The following PSMD2 variants were observed in gnomAD, a reference collection of about 807,000 sequenced individuals.
PSMD2 encodes the protein proteasome 26S subunit ubiquitin receptor, non-ATPase 2.
PSMD2 carries 8 observed loss-of-function variants against 101.5 expected under a neutral mutation model. That is an observed-to-expected ratio of 0.08 (90% CI 0.05 to 0.14). PSMD2 has a LOEUF of 0.14. Among genes scored for constraint, PSMD2 ranks in the 10% least tolerant of loss-of-function variants. PSMD2 has a pLI of 1.00. For synonymous variants in PSMD2, 418 were observed against 433.8 expected, an observed-to-expected ratio of 0.96 and a Z score of 0.45; for missense variants, 784 against 1,147.4, an observed-to-expected ratio of 0.68 and a Z score of 4.58.
Position 184,299,915 on chromosome 3 carries a change from A to G in PSMD2, c.192+8A>G. 1 of 1,612,214 alleles carries G rather than the reference A, an allele frequency of 6.2e-7. No individual in the cohort carries two copies. The highest frequency in any genetic ancestry group is 8.5e-7 in the Non-Finnish European group (1 of 1,178,246). On this transcript the variant is annotated splice_region_variant and intron_variant, in intron 2 of 20. Transcript: ENST00000310118. The stretch of plus-strand genomic sequence containing the variant: ...CTCGTGGAACGACTAGGGGTGAGTC[A>G]CGATGTTAACATGATTCGGTGCATG...
chr3:184,306,659 G>A, intron 15 of PSMD2, 92 bp from the exon 16 acceptor site: 2 of 1,526,288 alleles, frequency 1.3e-6, no homozygotes, highest in East Asian at 2.3e-5. Context: ...TTCCCCACAG[G>A]ATGGCTTTTT....
intron 13 of PSMD2, 43 bp downstream of exon 13, chr3:184,305,973 G>A: frequency 6.2e-7 from 1 of 1,613,576 alleles, no homozygotes; most frequent in Non-Finnish European, 8.5e-7. Context: ...GACAGTAACT[G>A]GATACAACAG....
At position 184,303,735 on chromosome 3, in the gene PSMD2, G is replaced by A; in HGVS notation, c.1309G>A (p.Glu437Lys). Residue 437 changes from glutamate (E) to lysine (K), a missense_variant, in exon 10 of 21, where the codon GAG becomes AAG. Around this residue, in one of 6 missense-constraint regions of PSMD2, gnomAD observed 37 missense variants for 107.0 expected, o/e 0.35. Transcript: ENST00000310118. ...TQIDKYLYSS[E>K]DYIKSGALLA... The stretch of plus-strand genomic sequence containing the variant: ...GATTGACAAGTACCTGTACTCCTCT[G>A]AGGACTACATTAAGGTTGGTCTGCA... 1 of 1,614,220 alleles carries A rather than the reference G, an allele frequency of 6.2e-7. No individual in the cohort carries two copies.
intron 3 of PSMD2, 85 bp downstream of exon 3, chr3:184,300,529 G>C: frequency 6.5e-7 from 1 of 1,527,188 alleles, no homozygotes; most frequent in Admixed American, 2.1e-5. Context: ...TGAGTCACAG[G>C]AAGCCTGATA....
Position 184,304,183 on chromosome 3 carries a change from G to T in PSMD2, c.1451+109G>T. ...CCAAGGGCTACCACTGTGCCTATTGGGTATCTGGCTCTTGGTGAATGTTTG... is the reference window on the plus strand; with the variant it reads ...CCAAGGGCTACCACTGTGCCTATTGTGTATCTGGCTCTTGGTGAATGTTTG... On this transcript the variant is annotated intron_variant, in intron 11 of 20. Coordinates refer to ENST00000310118, the MANE Select transcript of PSMD2 (RefSeq NM_002808.5). This position sits in a 1 kb window ranked among gnomAD's most constrained non-coding sequence, Gnocchi z 4.1. The T allele has an allele frequency of 6.4e-7, 1 of 1,551,926 alleles. No individual in the cohort carries two copies. Among genetic ancestry groups the T allele is most frequent in the Non-Finnish European group, 8.9e-7 (1 of 1,124,456 alleles).
At position 184,304,194 on chromosome 3, in the gene PSMD2, CTTGGTGAATGTTTGTTGAA is replaced by C. The variant is rs1232582827; in HGVS notation, c.1452-109_1452-91del. ...CACTGTGCCTATTGGGTATCTGGCT[CTTGGTGAATGTTTGTTGAA>C]ATGGTGAATGAATGACCGATTCTCC... On this transcript the variant is annotated intron_variant, in intron 11 of 20. Transcript: ENST00000310118. This position sits in a 1 kb window ranked among gnomAD's most constrained non-coding sequence, Gnocchi z 4.1. 4 of 1,552,688 alleles carry C rather than the reference CTTGGTGAATGTTTGTTGAA, an allele frequency of 2.6e-6. No homozygotes were observed. The East Asian group carries it at 9.0e-5, about 35-fold the overall frequency.
Position 184,300,707 on chromosome 3 carries a change from C to T in PSMD2, c.357+263C>T, listed in dbSNP as rs932238602. ...TAACGTATGTTTAACCTTGATTTTT[C>T]TCTTTTCTTCTATCCCATATACATT... On this transcript the variant is annotated intron_variant, in intron 3 of 20. Transcript: ENST00000310118. 4 of 1,143,848 alleles carry T rather than the reference C, an allele frequency of 3.5e-6. No individual in the cohort carries two copies. The South Asian group carries it at 7.8e-5, about 22-fold the overall frequency. The allele number at this position is 1,143,848 out of a possible 1,614,324, so 70.9% of individuals were successfully genotyped here. A position where few individuals can be genotyped will look rare whatever the true frequency, so the allele number is the denominator to read the frequency against.
intron 3 of PSMD2, 52 bp from the exon 4 acceptor site, chr3:184,301,485 C>A: frequency 6.2e-7 from 1 of 1,605,358 alleles, no homozygotes. Flanking sequence ...AATGCATGCT[C>A]CCTTTATGCT....
chr3:184,302,717 A>G lies in PSMD2; in HGVS notation c.902A>G (p.His301Arg), dbSNP rs2108441887. The G allele has an allele frequency of 1.2e-6, 2 of 1,614,146 alleles. No homozygotes were observed. The highest frequency in any genetic ancestry group is 1.7e-6 in the Non-Finnish European group (2 of 1,180,032). Residue 301 changes from histidine to arginine, a missense_variant, in exon 7 of 21, where the codon CAT becomes CGT. His to Arg is a conservative substitution (Grantham distance 29). Transcript: ENST00000310118. ...CAGATGGCATTCATGCTAGGCCGGC[A>G]TGGGGTGTTCCTGGAGCTGAGTGAA... ...QKQMAFMLGR[H>R]GVFLELSEDV...
At position 184,308,070 on chromosome 3, in the gene PSMD2, C is replaced by G; in HGVS notation, c.2425+54C>G. 6.3e-7 allele frequency: 1 copy of G among 1,599,674 alleles called. No homozygotes were observed. The highest frequency in any genetic ancestry group is 8.5e-7 in the Non-Finnish European group (1 of 1,173,786). On this transcript the variant is annotated intron_variant, in intron 19 of 20. Transcript: ENST00000310118. This position sits in a 1 kb window ranked among gnomAD's most constrained non-coding sequence, Gnocchi z 6.0. Reference sequence around the variant, plus strand: ...TAGCATGCAGGGCTCTGACTCCACCCTTTCCAGGGCCACTTTGATAATTTA... The same window carrying G: ...TAGCATGCAGGGCTCTGACTCCACCGTTTCCAGGGCCACTTTGATAATTTA...
chr3:184,306,561 G>T, intron 15 of PSMD2, 66 bp downstream of exon 15: 1 of 1,566,602 alleles, frequency 6.4e-7, no homozygotes, highest in South Asian at 1.2e-5. Flanking sequence ...GGGGAGGCTG[G>T]GTTTGGTTTT....
Position 184,304,525 on chromosome 3 carries a change from GGGGCGTCACCTCA to G in PSMD2, c.1539+136_1539+148del. The G allele has an allele frequency of 1.1e-6, 1 of 882,582 alleles. No homozygotes were observed. Among genetic ancestry groups the G allele is most frequent in the Non-Finnish European group, 1.8e-6 (1 of 550,392 alleles). 54.7% of individuals were successfully genotyped at this position (882,582 alleles called of 1,614,324 possible). On this transcript the variant is annotated intron_variant, in intron 12 of 20. Transcript: ENST00000310118. This position sits in a 1 kb window ranked among gnomAD's most constrained non-coding sequence, Gnocchi z 4.1. ...GTACATGCCTGTTGGTGTGTATTGA[GGGGCGTCACCTCA>G]GTGAAACCCCTTGATCTGGGATTCT... is the stretch of plus-strand genomic sequence containing the variant.
At position 184,308,420 on chromosome 3, in the gene PSMD2, T is replaced by C; in HGVS notation, c.2426-29T>C. On this transcript the variant is annotated intron_variant, in intron 19 of 20. Transcript: ENST00000310118. This position sits in a 1 kb window ranked among gnomAD's most constrained non-coding sequence, Gnocchi z 6.0. ...TGGCCAGGCCTGTCTTTTTGTCTCT[T>C]AACTTTTTGTCCTGTCTGCTTCCCT... 1 of 1,559,942 alleles carries C rather than the reference T, an allele frequency of 6.4e-7. No individual in the cohort carries two copies. The highest frequency in any genetic ancestry group is 8.8e-7 in the Non-Finnish European group (1 of 1,140,760).
Position 184,307,224 on chromosome 3 carries a change from T to C in PSMD2, c.2035-133T>C, listed in dbSNP as rs1721862569. 6.1e-6 allele frequency: 6 copies of C among 983,108 alleles called. No homozygotes were observed. In the South Asian group the frequency reaches 9.6e-5, roughly 16 times the overall value. 60.9% of individuals were successfully genotyped at this position (983,108 alleles called of 1,614,324 possible). ...TCCCAAAGTGCTGGGATTACAGGCA[T>C]GAGCCACCATGCCCAGCCTGCTGTG... On this transcript the variant is annotated intron_variant, in intron 16 of 20. Transcript: ENST00000310118.
At chr3:184,307,765 G>A (rs746890772) in intron 18 of PSMD2, 57 bp downstream of exon 18, 15 of 1,603,516 alleles carry the variant, frequency 9.4e-6, no homozygotes, top group African/African-American at 5.4e-5. Context: ...GGTGATGGAA[G>A]GAGGAACATG....
Position 184,308,045 on chromosome 3 carries a change from T to C in PSMD2, c.2425+29T>C, listed in dbSNP as rs1423279994. The C allele has an allele frequency of 1.2e-6, 2 of 1,612,510 alleles. No individual in the cohort carries two copies. The highest frequency in any genetic ancestry group is 2.2e-5 in the South Asian group (2 of 91,052). On this transcript the variant is annotated intron_variant, in intron 19 of 20. Transcript: ENST00000310118. This position sits in a 1 kb window ranked among gnomAD's most constrained non-coding sequence, Gnocchi z 6.0. ...AGTTCCTGTCAGAAATTTTATATCA[T>C]AGCATGCAGGGCTCTGACTCCACCC...
At chr3:184,300,568 G>A in intron 3 of PSMD2, 124 bp downstream of exon 3, 3 of 1,449,202 alleles carry the variant, frequency 2.1e-6, no homozygotes, top group Non-Finnish European at 2.7e-6. Context: ...TTTGAGCAGA[G>A]TTCATCACAG....
chr3:184,305,693 G>T, intron 12 of PSMD2, 75 bp from the exon 13 acceptor site: 2 of 1,369,010 alleles, frequency 1.5e-6, no homozygotes, highest in Non-Finnish European at 2.0e-6. Flanking sequence ...TGGACTGTAG[G>T]AATAGGCTAT....
intron 12 of PSMD2, among the ~76,000 whole-genome samples, chr3:184,305,489 A>G (rs1208093558): frequency 1.6e-5 from 1 of 64,282 alleles, no homozygotes; most frequent in African/African-American, 3.5e-5. Flanking sequence ...CTCTGTCTCA[A>G]AAAAAAAAAA....
Sources: allele counts gnomAD v4.1 joint callset (sites outside exome capture counted in the v4.1 genomes callset), GRCh38; gene constraint gnomAD v4.1.1; regional missense constraint gnomAD v4.1.1; non-coding constraint Gnocchi (gnomAD v3.1); transcripts MANE v1.5; gene names NCBI Gene and HGNC (gene_info 2026-07-23, HGNC 2026-07-21).